Variants in DPP10 observed in about 807,000 individuals in gnomAD.
The protein encoded by DPP10 is dipeptidyl peptidase like 10, also known as inactive dipeptidyl peptidase 10.
Under a neutral mutation model 120.9 loss-of-function variants are expected in DPP10, and 33 were observed. That is an observed-to-expected ratio of 0.27 (90% CI 0.21 to 0.37). The LOEUF (loss-of-function observed/expected upper bound fraction) is 0.37, where lower values mean the gene tolerates loss of function less well. Among genes scored for constraint, DPP10 ranks in the 10% least tolerant of loss-of-function variants. DPP10 has a pLI of 1.00. For synonymous variants in DPP10, 337 were observed against 326.1 expected (o/e 1.03, Z -0.36); for missense variants, 816 against 942.8 (o/e 0.87, Z 1.76).
At position 114,556,269 on chromosome 2, in the gene DPP10, A is replaced by ATATATATATG. The variant is rs70937289; in HGVS notation, c.60+113431_60+113432insTATATATATG. On this transcript the variant is annotated intron_variant, in intron 1 of 25. Coordinates refer to ENST00000410059, the MANE Select transcript of DPP10 (RefSeq NM_020868.6). ...TATATATATATATATATATATATAT[A>ATATATATATG]GGCAAATAATAGATGATAGATGAGT... 1.4e-3 allele frequency among the ~76,000 whole-genome samples: 202 copies of ATATATATATG among 139,426 alleles called. 2 individuals are homozygous for ATATATATATG. The highest frequency in any genetic ancestry group is 4.0e-3 in the African/African-American group (150 of 37,616). The allele number at this position is 139,426 out of a possible 152,430, so 91.5% of individuals were successfully genotyped here.
intron 1 of DPP10, among the ~76,000 whole-genome samples, chr2:115,282,063 T>C (rs1268487906): frequency 6.6e-6 from 1 of 152,040 alleles, no homozygotes; most frequent in African/African-American, 2.4e-5. Flanking sequence ...AAAAATGACA[T>C]CTAGTTTTGT....
At chr2:114,854,077 A>G (rs569754777) in intron 1 of DPP10, among the ~76,000 whole-genome samples, 1 of 152,336 alleles carries the variant, frequency 6.6e-6, no homozygotes, top group East Asian at 1.9e-4. Context: ...GTTATGCATC[A>G]GTAGATGTTT....
chr2:115,403,381 CTTTT>C (rs78116780), intron 3 of DPP10, among the ~76,000 whole-genome samples: 342 of 118,028 alleles, frequency 2.9e-3, no homozygotes, highest in East Asian at 8.5e-3. Flanking sequence ...TTCTTTCCTT[CTTTT>C]TTTTTTTTTT....
At chr2:115,457,957 A>G (rs1489189906) in intron 3 of DPP10, among the ~76,000 whole-genome samples, 1 of 152,154 alleles carries the variant, frequency 6.6e-6, no homozygotes, top group East Asian at 1.9e-4. Context: ...TATACAGTGG[A>G]ATATGAATGA....
chr2:115,147,101 G>A lies in DPP10; in HGVS notation c.61-162138G>A, dbSNP rs371359672. ...TAACTATAAAAGTCTATTTAATGTCGTTTTATTGGATGGAAAAACTGAATA... is the reference window on the plus strand; with the variant it reads ...TAACTATAAAAGTCTATTTAATGTCATTTTATTGGATGGAAAAACTGAATA... On this transcript the variant is annotated intron_variant, in intron 1 of 25. Transcript: ENST00000410059. 6.1e-4 allele frequency among the ~76,000 whole-genome samples: 93 copies of A among 151,598 alleles called. No individual in the cohort carries two copies. In the Middle Eastern group the frequency reaches 0.01, roughly 17 times the overall value.
intron 1 of DPP10, among the ~76,000 whole-genome samples, chr2:115,225,129 A>G (rs573459351): frequency 6.6e-6 from 1 of 152,268 alleles, no homozygotes; most frequent in African/African-American, 2.4e-5. Context: ...TTTTTTTGAT[A>G]AATTCTTAAG....
At chr2:115,185,860 A>G (rs879428823) in intron 1 of DPP10, among the ~76,000 whole-genome samples, 10 of 152,190 alleles carry the variant, frequency 6.6e-5, no homozygotes, top group Non-Finnish European at 1.3e-4. Flanking sequence ...CCTATTAGTA[A>G]AGGTTGTAAT....
chr2:114,920,427 C>A (rs1337933281), intron 1 of DPP10, among the ~76,000 whole-genome samples: 1 of 152,184 alleles, frequency 6.6e-6, no homozygotes, highest in South Asian at 2.1e-4. Context: ...CATCTCCATA[C>A]GTGCTAGCAC....
intron 10 of DPP10, chr2:115,750,035 C>T: frequency 1.0e-6 from 1 of 985,302 alleles, no homozygotes; most frequent in Non-Finnish European, 1.2e-6. Context: ...TAATCCAGAG[C>T]CATGGAGACT....
At chr2:115,482,318 ATAGT>A (rs10585892) in intron 3 of DPP10, among the ~76,000 whole-genome samples, 84,541 of 151,024 alleles carry the variant, frequency 0.56, 24,851 homozygotes, top group Non-Finnish European at 0.67. Context: ...ACATAGTAAA[ATAGT>A]TAGTATAGGG....
chr2:115,377,453 C>T (rs1286241363), intron 3 of DPP10, among the ~76,000 whole-genome samples: 2 of 151,980 alleles, frequency 1.3e-5, no homozygotes, highest in Non-Finnish European at 1.5e-5. Flanking sequence ...TGGATATTAA[C>T]CCTTTGTCAG....
intron 1 of DPP10, among the ~76,000 whole-genome samples, chr2:114,571,272 G>A (rs1172106734): frequency 2.0e-5 from 3 of 151,980 alleles, no homozygotes; most frequent in Non-Finnish European, 4.4e-5. Context: ...GTGAGTTATC[G>A]TGAGATCTGG....
intron 1 of DPP10, among the ~76,000 whole-genome samples, chr2:114,673,167 C>G (rs1177031613): frequency 2.0e-5 from 3 of 152,152 alleles, no homozygotes; most frequent in African/African-American, 2.4e-5. Context: ...GTTCCTGTGT[C>G]TGTCAACACA....
At chr2:115,221,809 A>C (rs2057185484) in intron 1 of DPP10, among the ~76,000 whole-genome samples, 1 of 138,594 alleles carries the variant, frequency 7.2e-6, no homozygotes, top group Non-Finnish European at 1.5e-5. Flanking sequence ...CATGGTCTAT[A>C]AGATATTTCT....
intron 1 of DPP10, among the ~76,000 whole-genome samples, chr2:114,879,111 G>A (rs954196072): frequency 6.6e-6 from 1 of 151,328 alleles, no homozygotes; most frequent in Non-Finnish European, 1.5e-5. Context: ...GATTCAAATA[G>A]TAGATGACTT....
intron 1 of DPP10, among the ~76,000 whole-genome samples, chr2:114,895,710 G>T (rs905185287): frequency 1.3e-5 from 2 of 152,116 alleles, no homozygotes; most frequent in Admixed American, 6.6e-5. Context: ...TTTTTCACAG[G>T]AATTAGCCTA....
intron 3 of DPP10, among the ~76,000 whole-genome samples, chr2:115,430,861 T>G (rs2104771128): frequency 6.6e-6 from 1 of 152,278 alleles, no homozygotes; most frequent in Admixed American, 6.5e-5. Context: ...ATTTGACAAG[T>G]AGGACTTAAA....
intron 13 of DPP10, among the ~76,000 whole-genome samples, chr2:115,776,850 T>G (rs1162113320): frequency 9.9e-6 from 1 of 101,208 alleles, no homozygotes; most frequent in Admixed American, 1.3e-4. Context: ...GGAGTAAAGT[T>G]TGTTCTAAAA....
At chr2:115,090,470 G>T (rs1208702107) in intron 1 of DPP10, among the ~76,000 whole-genome samples, 1 of 152,078 alleles carries the variant, frequency 6.6e-6, no homozygotes, top group Non-Finnish European at 1.5e-5. Context: ...GGGGTGAGGG[G>T]ACTTGCACTT....
Sources: gnomAD v4.1 joint callset for allele counts (sites outside exome capture counted in the v4.1 genomes callset) on GRCh38, gnomAD v4.1.1 for gene constraint, MANE v1.5 for transcripts, NCBI Gene and HGNC (gene_info 2026-07-23, HGNC 2026-07-21) for gene names.